The following PDE4D variants were observed in gnomAD, a reference collection of about 807,000 sequenced individuals.
The protein encoded by PDE4D is 3',5'-cyclic-AMP phosphodiesterase 4D.
Under a neutral mutation model 87.4 loss-of-function variants are expected in PDE4D, and 24 were observed. The ratio of observed to expected loss-of-function variants is 0.27; its 90% CI spans 0.20 to 0.39. PDE4D has a LOEUF of 0.39. PDE4D is among the 10% of genes least tolerant of loss of function. The probability of loss-of-function intolerance (pLI) is 1.00; values close to 1 mark genes in which losing one functional copy is unlikely to be tolerated. For missense variants in PDE4D, 714 were observed against 1,041.0 expected (o/e 0.69, Z 4.32); for synonymous variants, 384 against 383.2 (o/e 1.00, Z -0.02).
chr5:59,040,417 A>G (rs982790749), intron 5 of PDE4D, among the ~76,000 whole-genome samples: 1 of 152,242 alleles, frequency 6.6e-6, no homozygotes, highest in African/African-American at 2.4e-5. Flanking sequence ...TGTCCTGCAT[A>G]CTACTCCTTT....
chr5:59,604,114 A>T (rs1827874708), intron 1 of PDE4D, among the ~76,000 whole-genome samples: 1 of 10,900 alleles, frequency 9.2e-5, no homozygotes, highest in African/African-American at 2.1e-4. Context: ...GTCTTGTAAA[A>T]ACAGTTTTTC....
At chr5:59,148,754 GGTGT>G (rs3061422) in intron 5 of PDE4D, among the ~76,000 whole-genome samples, 13,347 of 145,548 alleles carry the variant, frequency 0.092, 663 homozygotes, top group Non-Finnish European at 0.11. Flanking sequence ...AATATATAGC[GGTGT>G]GTGTGTGTGT....
chr5:59,365,081 A>T (rs552068469), intron 1 of PDE4D, among the ~76,000 whole-genome samples: 9 of 152,344 alleles, frequency 5.9e-5, no homozygotes, highest in African/African-American at 2.2e-4. Context: ...TTAAAGTATC[A>T]GGGCAATAAG....
At chr5:59,788,448 GA>G (rs1221657958) in intron 1 of PDE4D, among the ~76,000 whole-genome samples, 2 of 152,228 alleles carry the variant, frequency 1.3e-5, no homozygotes, top group Non-Finnish European at 1.5e-5. Context: ...TGGATCCTGG[GA>G]GAAGCAGAGA....
intron 1 of PDE4D, among the ~76,000 whole-genome samples, chr5:60,468,293 C>A (rs955012574): frequency 2.6e-5 from 4 of 151,916 alleles, no homozygotes; most frequent in African/African-American, 9.7e-5. Flanking sequence ...TGAGTGCCAC[C>A]ACACCTGGCT....
chr5:60,308,117 G>T (rs1754668809), intron 1 of PDE4D, among the ~76,000 whole-genome samples: 1 of 152,140 alleles, frequency 6.6e-6, no homozygotes, highest in Admixed American at 6.5e-5. Context: ...TTTAAAAATG[G>T]AGATGTTTCT....
chr5:59,287,000 A>T (rs1215836171), intron 1 of PDE4D, among the ~76,000 whole-genome samples: 3 of 152,176 alleles, frequency 2.0e-5, no homozygotes, highest in African/African-American at 7.2e-5. Context: ...AAGGAACAAC[A>T]AATTGAACAA....
chr5:59,708,008 G>A (rs1753693509), intron 1 of PDE4D, among the ~76,000 whole-genome samples: 1 of 151,988 alleles, frequency 6.6e-6, no homozygotes, highest in African/African-American at 2.4e-5. Flanking sequence ...CCTATTTCTG[G>A]TTCTAGATCT....
intron 1 of PDE4D, among the ~76,000 whole-genome samples, chr5:60,394,036 A>G (rs575518877): frequency 6.6e-6 from 1 of 152,350 alleles, no homozygotes; most frequent in East Asian, 1.9e-4. Context: ...TAAGTGCTCA[A>G]TAAAGCTCTA....
chr5:59,913,225 A>T (rs1193637439), intron 3 of PDE4D, among the ~76,000 whole-genome samples: 1 of 152,240 alleles, frequency 6.6e-6, no homozygotes, highest in Non-Finnish European at 1.5e-5. Flanking sequence ...TATACTAAAA[A>T]AATTCAGAAA....
intron 1 of PDE4D, among the ~76,000 whole-genome samples, chr5:60,498,410 G>A (rs1405971373): frequency 2.6e-5 from 4 of 152,170 alleles, no homozygotes; most frequent in Non-Finnish European, 5.9e-5. Flanking sequence ...TGAGTCCCCA[G>A]AGTGTAAAAC....
chr5:60,241,997 A>G (rs187848267), intron 1 of PDE4D, among the ~76,000 whole-genome samples: 3 of 152,270 alleles, frequency 2.0e-5, no homozygotes, highest in African/African-American at 4.8e-5. Flanking sequence ...GGAGAGAGTG[A>G]CATGACACAT....
intron 5 of PDE4D, among the ~76,000 whole-genome samples, chr5:59,143,177 C>T (rs1225231183): frequency 2.0e-5 from 3 of 150,684 alleles, no homozygotes; most frequent in Admixed American, 1.3e-4. Flanking sequence ...TCCTTCCCTC[C>T]CTCCCTTCCT....
chr5:59,276,845 C>G (rs1422411003), intron 1 of PDE4D, among the ~76,000 whole-genome samples: 1 of 152,018 alleles, frequency 6.6e-6, no homozygotes, highest in East Asian at 1.9e-4. Context: ...ACCTTTCCCA[C>G]CTCCTAAATA....
At chr5:59,386,388 T>C (rs1786996490) in intron 1 of PDE4D, among the ~76,000 whole-genome samples, 1 of 152,170 alleles carries the variant, frequency 6.6e-6, no homozygotes, top group South Asian at 2.1e-4. Context: ...TATTTCTTTT[T>C]ATTACGTGAC....
At chr5:59,425,780 C>T (rs1795112822) in intron 1 of PDE4D, among the ~76,000 whole-genome samples, 1 of 152,192 alleles carries the variant, frequency 6.6e-6, no homozygotes, top group Non-Finnish European at 1.5e-5. Context: ...ATTGAGTCCA[C>T]TTTTATGAAC....
intron 1 of PDE4D, among the ~76,000 whole-genome samples, chr5:59,277,846 T>C (rs1381131392): frequency 6.6e-6 from 1 of 152,182 alleles, no homozygotes; most frequent in African/African-American, 2.4e-5. Flanking sequence ...TGCCCAACAT[T>C]CTACATCTTC....
intron 1 of PDE4D, among the ~76,000 whole-genome samples, chr5:60,502,637 A>G (rs1750140242): frequency 6.6e-6 from 1 of 152,138 alleles, no homozygotes; most frequent in Non-Finnish European, 1.5e-5. Flanking sequence ...CTGACAAAGG[A>G]GAGAGTTTTC....
At chr5:59,607,376 C>T (rs568831455) in intron 1 of PDE4D, among the ~76,000 whole-genome samples, 112 of 152,184 alleles carry the variant, frequency 7.4e-4, no homozygotes, top group African/African-American at 2.6e-3. Flanking sequence ...TGCAGTGCAG[C>T]GTTGAAACAT....
Sources: gnomAD v4.1 joint callset for allele counts (sites outside exome capture counted in the v4.1 genomes callset) on GRCh38, gnomAD v4.1.1 for gene constraint, MANE v1.5 for transcripts, NCBI Gene and HGNC (gene_info 2026-07-23, HGNC 2026-07-21) for gene names.